Variants in NRG3 observed in about 807,000 individuals in gnomAD.
NRG3 encodes the protein pro-neuregulin-3, membrane-bound isoform.
A neutral mutation model predicts 66.9 loss-of-function variants in NRG3; 31 were observed. The observed-to-expected ratio is 0.46, with a 90% CI of 0.35 to 0.63. The LOEUF (loss-of-function observed/expected upper bound fraction) is 0.63. NRG3 is among the 20% of genes least tolerant of loss of function. The pLI is 0.00. For missense variants in NRG3, 910 were observed against 878.9 expected (o/e 1.04, Z -0.45); for synonymous variants, 393 against 359.4 (o/e 1.09, Z -1.06).
At chr10:81,898,341 G>C (rs1398942433) in intron 1 of NRG3, among the ~76,000 whole-genome samples, 2 of 152,308 alleles carry the variant, frequency 1.3e-5, no homozygotes, top group East Asian at 3.9e-4. Flanking sequence ...AGACGACAAT[G>C]GTTGAAGAAA....
At chr10:82,383,661 AAG>A (rs1430059533) in intron 2 of NRG3, among the ~76,000 whole-genome samples, 5 of 152,138 alleles carry the variant, frequency 3.3e-5, no homozygotes, top group East Asian at 3.9e-4. Context: ...AAAAATATAA[AAG>A]AGGGGATTAC....
chr10:82,261,085 T>C (rs2078001445), intron 1 of NRG3, among the ~76,000 whole-genome samples: 2 of 152,110 alleles, frequency 1.3e-5, no homozygotes, highest in Admixed American at 6.6e-5. Flanking sequence ...GAGACTGATA[T>C]GGTTTGGCTG....
intron 2 of NRG3, among the ~76,000 whole-genome samples, chr10:82,694,981 C>T (rs972391611): frequency 1.3e-5 from 2 of 151,774 alleles, no homozygotes; most frequent in Admixed American, 6.6e-5. Context: ...TTTAAGGCAG[C>T]CATTTTAAGG....
chr10:82,492,360 A>T (rs1281780837), intron 2 of NRG3, among the ~76,000 whole-genome samples: 1 of 152,200 alleles, frequency 6.6e-6, no homozygotes, highest in Non-Finnish European at 1.5e-5. Flanking sequence ...CTATCTCAGA[A>T]ATATCCCCTG....
intron 1 of NRG3, among the ~76,000 whole-genome samples, chr10:82,228,672 C>T (rs931500329): frequency 1.3e-5 from 2 of 152,072 alleles, no homozygotes; most frequent in Non-Finnish European, 2.9e-5. Context: ...TGATACAGCC[C>T]CCTTTCCTCA....
chr10:82,749,756 G>A (rs1209161061), intron 3 of NRG3, among the ~76,000 whole-genome samples: 2 of 150,646 alleles, frequency 1.3e-5, no homozygotes, highest in African/African-American at 4.9e-5. Context: ...AGTTTCCAAA[G>A]GGTTCACTTT....
At chr10:82,598,797 C>A (rs968864068) in intron 2 of NRG3, among the ~76,000 whole-genome samples, 7 of 152,168 alleles carry the variant, frequency 4.6e-5, no homozygotes, top group African/African-American at 1.7e-4. Context: ...CTCCTGTAAT[C>A]CCAGCACTTT....
At chr10:82,003,941 C>A (rs1452500325) in intron 1 of NRG3, among the ~76,000 whole-genome samples, 1 of 149,820 alleles carries the variant, frequency 6.7e-6, no homozygotes, top group East Asian at 2.0e-4. Flanking sequence ...TCGCTTGAGC[C>A]CAGGAGTTCA....
At chr10:82,235,593 C>A (rs528062766) in intron 1 of NRG3, among the ~76,000 whole-genome samples, 1 of 152,228 alleles carries the variant, frequency 6.6e-6, no homozygotes, top group East Asian at 1.9e-4. Flanking sequence ...ATTGTTTTGC[C>A]ACCCTAGCAC....
intron 1 of NRG3, among the ~76,000 whole-genome samples, chr10:82,089,506 G>A (rs78959671): frequency 1.3e-5 from 2 of 152,124 alleles, no homozygotes; most frequent in Non-Finnish European, 2.9e-5. Flanking sequence ...AAGCAGCCAG[G>A]GGGTGGAGTG....
chr10:82,501,439 A>T (rs1447551316), intron 2 of NRG3, among the ~76,000 whole-genome samples: 1 of 152,140 alleles, frequency 6.6e-6, no homozygotes, highest in African/African-American at 2.4e-5. Flanking sequence ...AAAAGTCAAC[A>T]TACTTTCAAG....
chr10:81,905,815 T>C (rs1218758194), intron 1 of NRG3, among the ~76,000 whole-genome samples: 1 of 152,216 alleles, frequency 6.6e-6, no homozygotes, highest in Non-Finnish European at 1.5e-5. Context: ...TGCTCTACCC[T>C]GGTATTGTTT....
intron 2 of NRG3, among the ~76,000 whole-genome samples, chr10:82,538,470 A>G (rs775945855): frequency 6.6e-6 from 1 of 152,198 alleles, no homozygotes; most frequent in Non-Finnish European, 1.5e-5. Context: ...TCCTTTTAAA[A>G]TATCTTACCA....
chr10:81,982,235 T>C (rs568158203), intron 1 of NRG3, among the ~76,000 whole-genome samples: 1 of 152,316 alleles, frequency 6.6e-6, no homozygotes, highest in Admixed American at 6.5e-5. Flanking sequence ...TGGGACACAG[T>C]TCAGCTAATC....
intron 1 of NRG3, among the ~76,000 whole-genome samples, chr10:82,023,571 T>C (rs2062160089): frequency 6.6e-6 from 1 of 152,072 alleles, no homozygotes; most frequent in African/African-American, 2.4e-5. Context: ...CATAAATGGA[T>C]GTTGAATGTA....
At position 82,804,260 on chromosome 10, in the gene NRG3, G is replaced by T. The variant is rs2061180618; in HGVS notation, c.1028-61151G>T. ...AAAGAAAAAATTATATGCTGACATT[G>T]CTAAGATCTATGGTAAGAATGAATC... On this transcript the variant is annotated intron_variant, in intron 3 of 8. Coordinates refer to ENST00000372141, the MANE Select transcript of NRG3 (RefSeq NM_001010848.4). Among the ~76,000 whole-genome samples the T allele has an allele frequency of 2.0e-5, 3 of 152,192 alleles. No individual in the cohort carries two copies. In the South Asian group the frequency reaches 6.2e-4, roughly 31 times the overall value.
intron 8 of NRG3, among the ~76,000 whole-genome samples, chr10:82,979,834 C>T (rs1053626294): frequency 2.6e-5 from 4 of 152,242 alleles, no homozygotes; most frequent in African/African-American, 9.6e-5. Context: ...GAATTCAAAT[C>T]CCATCTCTGC....
intron 2 of NRG3, among the ~76,000 whole-genome samples, chr10:82,574,477 A>G (rs622901): frequency 0.084 from 12,797 of 151,818 alleles, 619 homozygotes; most frequent in East Asian, 0.15. Flanking sequence ...AGCACAGTAA[A>G]GTGACTGCAG....
chr10:82,817,477 G>A (rs879817865), intron 3 of NRG3, among the ~76,000 whole-genome samples: 2 of 152,136 alleles, frequency 1.3e-5, no homozygotes, highest in Non-Finnish European at 2.9e-5. Context: ...AGGCACTTGT[G>A]CTTGTTGGTT....
Sources: gnomAD v4.1 joint callset for allele counts (sites outside exome capture counted in the v4.1 genomes callset) on GRCh38, gnomAD v4.1.1 for gene constraint, MANE v1.5 for transcripts, NCBI Gene and HGNC (gene_info 2026-07-23, HGNC 2026-07-21) for gene names.